ACSL4: variants seen among roughly 807,000 people sequenced by gnomAD.
The protein encoded by ACSL4 is acyl-CoA synthetase long chain family member 4.
In ACSL4, 9 loss-of-function variants were observed where a neutral mutation model predicts 49.1. The ratio of observed to expected loss-of-function variants is 0.18; its 90% confidence interval spans 0.11 to 0.32. The LOEUF (loss-of-function observed/expected upper bound fraction) is 0.32, where lower values mean the gene tolerates loss of function less well. Among genes scored for constraint, ACSL4 ranks in the 10% least tolerant of loss-of-function variants. The probability of loss-of-function intolerance (pLI) is 1.00; values close to 1 mark genes in which losing one functional copy is unlikely to be tolerated. For missense variants in ACSL4, 333 were observed against 493.7 expected (o/e 0.67, Z 3.08); for synonymous variants, 191 against 170.3 (o/e 1.12, Z -0.95).
intron 12 of ACSL4, 42 bp from the exon 13 acceptor site, chrX:109,663,444 A>G (rs202220301): frequency 9.1e-7 from 1 of 1,104,178 alleles, no homozygotes; most frequent in Non-Finnish European, 1.3e-6. Flanking sequence ...TCTACAACAA[A>G]TTTCATTAAT....
intron 15 of ACSL4, among the ~76,000 whole-genome samples, chrX:109,653,411 TCTAGAA>T (rs1367235104): frequency 1.8e-5 from 2 of 111,646 alleles, no homozygotes; most frequent in East Asian, 5.6e-4. Context: ...TCCTCAGGGA[TCTAGAA>T]CTAGAAGTAC....
At chrX:109,658,154 A>C (rs1396493489) in intron 15 of ACSL4, among the ~76,000 whole-genome samples, 1 of 111,376 alleles carries the variant, frequency 9.0e-6, no homozygotes, top group Admixed American at 9.5e-5. Context: ...TTTCTAGCTC[A>C]ATCAGTAGTA....
chrX:109,729,581 G>C (rs1156475197), intron 1 of ACSL4, among the ~76,000 whole-genome samples: 1 of 111,811 alleles, frequency 8.9e-6, no homozygotes, highest in African/African-American at 3.3e-5. Context: ...TACACTCTCA[G>C]GCATTTCAGA....
intron 1 of ACSL4, among the ~76,000 whole-genome samples, chrX:109,697,895 A>G (rs1925580148): frequency 9.0e-6 from 1 of 110,895 alleles, no homozygotes; most frequent in Admixed American, 9.6e-5. Context: ...AAAATCATCT[A>G]AAGATCTAAA....
At chrX:109,693,812 T>C (rs1247267483) in intron 2 of ACSL4, among the ~76,000 whole-genome samples, 2 of 112,056 alleles carry the variant, frequency 1.8e-5, no homozygotes, top group Non-Finnish European at 3.8e-5. Context: ...TGGCCAGATA[T>C]GTTCATGCCA....
chrX:109,670,605 C>CCCTCTCCCT (rs757207608), intron 9 of ACSL4, among the ~76,000 whole-genome samples: 83 of 106,887 alleles, frequency 7.8e-4, no homozygotes, highest in African/African-American at 2.6e-3. Flanking sequence ...AAAAAGCTCT[C>CCCTCTCCCT]CCTCTCCCTC....
At position 109,664,136 on chromosome X, in the gene ACSL4, A is replaced by G. The variant is rs777204155; in HGVS notation, c.1391-734T>C. ...TCTGATAAACTTAAAACTATTCAAT[A>G]TTTCAACATGATAAAACCCATTGTA... On this transcript the variant is annotated intron_variant, in intron 12 of 15. Transcript: ENST00000672401. Among the ~76,000 whole-genome samples, 4 of 110,928 alleles carry G rather than the reference A, an allele frequency of 3.6e-5. No individual in the cohort carries two copies. The South Asian group carries it at 1.5e-3, about 42-fold the overall frequency.
intron 4 of ACSL4, among the ~76,000 whole-genome samples, 171 bp from the exon 5 acceptor site, chrX:109,681,546 G>A (rs1248503528): frequency 1.8e-5 from 2 of 111,689 alleles, no homozygotes; most frequent in Non-Finnish European, 3.8e-5. Flanking sequence ...CAAACTCCCT[G>A]GGAGCCCAAA....
At chrX:109,727,484 A>G (rs914349440) in intron 1 of ACSL4, among the ~76,000 whole-genome samples, 1 of 111,550 alleles carries the variant, frequency 9.0e-6, no homozygotes, top group Non-Finnish European at 1.9e-5. Context: ...CATTTAAATA[A>G]CCCACACTTA....
At chrX:109,670,600 GCTCTCCCTCTCCCTC>G (rs1227217391) in intron 9 of ACSL4, among the ~76,000 whole-genome samples, 3 of 101,701 alleles carry the variant, frequency 2.9e-5, no homozygotes, top group African/African-American at 1.1e-4. Context: ...AAAAAAAAAA[GCTCTCCCTCTCCCTC>G]CTCTCCCTCC....
chrX:109,687,944 C>T (rs952341501), intron 2 of ACSL4, among the ~76,000 whole-genome samples: 1 of 111,405 alleles, frequency 9.0e-6, no homozygotes, highest in African/African-American at 3.3e-5. Context: ...CTAATCTGTA[C>T]CTGTACCTAT....
chrX:109,680,177 C>T (rs753462960), intron 6 of ACSL4, among the ~76,000 whole-genome samples: 47 of 111,586 alleles, frequency 4.2e-4, no homozygotes, highest in Non-Finnish European at 7.2e-4. Flanking sequence ...AAAACTGTCC[C>T]TCATCTCAGA....
At chrX:109,715,978 T>C (rs1305970796) in intron 1 of ACSL4, among the ~76,000 whole-genome samples, 1 of 112,589 alleles carries the variant, frequency 8.9e-6, no homozygotes, top group African/African-American at 3.2e-5. Flanking sequence ...TGCTGAAGAA[T>C]AACATGTTGA....
intron 1 of ACSL4, among the ~76,000 whole-genome samples, chrX:109,714,355 A>T (rs1460072507): frequency 8.9e-6 from 1 of 112,604 alleles, no homozygotes; most frequent in African/African-American, 3.2e-5. Context: ...AAAGTCAAAA[A>T]AATTTAAAAG....
chrX:109,680,469 T>C (rs1924074778), intron 6 of ACSL4, among the ~76,000 whole-genome samples: 1 of 112,295 alleles, frequency 8.9e-6, no homozygotes, highest in Non-Finnish European at 1.9e-5. Context: ...AGTATTAATT[T>C]CCTCAACTCT....
chrX:109,652,987 T>A (rs1007068544), intron 15 of ACSL4, among the ~76,000 whole-genome samples: 6 of 111,588 alleles, frequency 5.4e-5, no homozygotes, highest in South Asian at 3.7e-4. Context: ...AAACTATTAC[T>A]ATAAACTATA....
At chrX:109,673,564 C>T (rs896230318) in intron 9 of ACSL4, among the ~76,000 whole-genome samples, 2 of 112,253 alleles carry the variant, frequency 1.8e-5, no homozygotes, top group African/African-American at 6.5e-5. Context: ...CTGACCTATT[C>T]TACTTCTTTG....
At chrX:109,645,294 A>G (rs182941402) in intron 15 of ACSL4, among the ~76,000 whole-genome samples, 1 of 112,468 alleles carries the variant, frequency 8.9e-6, no homozygotes, top group African/African-American at 3.2e-5. Flanking sequence ...TGAAGAGATC[A>G]GTGGTTCTCC....
intron 4 of ACSL4, 130 bp from the exon 5 acceptor site, chrX:109,681,505 T>C (rs938429334): frequency 7.6e-6 from 4 of 523,361 alleles, no homozygotes; most frequent in African/African-American, 4.7e-5. Context: ...TTTGATTTCA[T>C]AGTCTCTGTT....
Sources: gnomAD v4.1 joint callset for allele counts (sites outside exome capture counted in the v4.1 genomes callset) on GRCh38, gnomAD v4.1.1 for gene constraint, MANE v1.5 for transcripts, NCBI Gene and HGNC (gene_info 2026-07-23, HGNC 2026-07-21) for gene names.